The following ROS1 variants were observed in gnomAD, a reference collection of about 807,000 sequenced individuals.
ROS1 encodes ROS proto-oncogene 1, receptor tyrosine kinase, also known as proto-oncogene tyrosine-protein kinase ROS.
In ROS1, 263 loss-of-function variants were observed where a neutral mutation model predicts 273.5. That is an observed-to-expected ratio of 0.96 (90% CI 0.87 to 1.06). ROS1 has a LOEUF of 1.06. Among genes scored for constraint, ROS1 ranks in the 50% least tolerant of loss-of-function variants. The probability of loss-of-function intolerance (pLI) is 0.00; values close to 1 mark genes in which losing one functional copy is unlikely to be tolerated. For missense variants in ROS1, 2,833 were observed against 2,751.1 expected, an observed-to-expected ratio of 1.03 and a Z score of -0.67; for synonymous variants, 1,008 against 954.1, an observed-to-expected ratio of 1.06 and a Z score of -1.04.
At chr6:117,423,439 G>T (rs1032202993) in intron 1 of ROS1, among the ~76,000 whole-genome samples, 1 of 152,152 alleles carries the variant, frequency 6.6e-6, no homozygotes. Flanking sequence ...TGATTCAACC[G>T]TGAATTCTTT....
At chr6:117,294,018 C>T (rs1421765013) in intron 43 of ROS1, among the ~76,000 whole-genome samples, 1 of 152,010 alleles carries the variant, frequency 6.6e-6, no homozygotes, top group African/African-American at 2.4e-5. Context: ...ATGTTGAAGA[C>T]ACATGATACA....
chr6:117,425,285 C>T (rs1193113850), intron 1 of ROS1, among the ~76,000 whole-genome samples: 7 of 152,122 alleles, frequency 4.6e-5, no homozygotes, highest in Admixed American at 4.6e-4. Context: ...ATTTAAACCT[C>T]CTTTACCCAG....
chr6:117,326,645 A>C (rs971614619), intron 33 of ROS1, among the ~76,000 whole-genome samples: 1 of 152,106 alleles, frequency 6.6e-6, no homozygotes, highest in African/African-American at 2.4e-5. Flanking sequence ...AACTGTGAGT[A>C]ATCAGTGGTG....
At position 117,328,014 on chromosome 6, in the gene ROS1, C is replaced by T. The variant is rs1293662493; in HGVS notation, c.5348+1315G>A. 2.6e-5 allele frequency among the ~76,000 whole-genome samples: 4 copies of T among 152,330 alleles called. No homozygotes were observed. The South Asian group carries it at 8.3e-4, about 32-fold the overall frequency. The stretch of plus-strand genomic sequence containing the variant: ...GTCCCGCTGATACGTTGGTTTCAGA[C>T]TTCTAACCTCTAGAGCTGTAAGAAT... On this transcript the variant is annotated intron_variant, in intron 33 of 43. Transcript: ENST00000368507.
At chr6:117,380,688 CA>C (rs1772056357) in intron 17 of ROS1, among the ~76,000 whole-genome samples, 1 of 152,024 alleles carries the variant, frequency 6.6e-6, no homozygotes, top group African/African-American at 2.4e-5. Flanking sequence ...GTCATCATCC[CA>C]TTCCTCCACA....
At chr6:117,304,793 G>C (rs936598751) in intron 42 of ROS1, among the ~76,000 whole-genome samples, 1 of 152,192 alleles carries the variant, frequency 6.6e-6, no homozygotes, top group Non-Finnish European at 1.5e-5. Context: ...CAGTGTTGGA[G>C]GAGGGGCCTG....
At chr6:117,384,860 T>C (rs576353251) in intron 16 of ROS1, among the ~76,000 whole-genome samples, 1 of 152,292 alleles carries the variant, frequency 6.6e-6, no homozygotes, top group South Asian at 2.1e-4. Flanking sequence ...TTCTTATTCC[T>C]TTAGCTGGCT....
intron 28 of ROS1, among the ~76,000 whole-genome samples, chr6:117,342,988 T>G (rs114545329): frequency 0.012 from 1,903 of 152,264 alleles, 31 homozygotes; most frequent in African/African-American, 0.044. Flanking sequence ...TATACTTTGC[T>G]ATCATCTGGG....
At chr6:117,422,259 C>T (rs937856568) in intron 1 of ROS1, among the ~76,000 whole-genome samples, 4 of 152,180 alleles carry the variant, frequency 2.6e-5, no homozygotes, top group Non-Finnish European at 5.9e-5. Context: ...GAACTGTCCG[C>T]CTCAGCCTCC....
chr6:117,416,854 A>G (rs184923982), intron 2 of ROS1, among the ~76,000 whole-genome samples: 292 of 152,200 alleles, frequency 1.9e-3, no homozygotes, highest in African/African-American at 6.9e-3. Flanking sequence ...CAGATTTGAT[A>G]TATTTCTTCT....
intron 32 of ROS1, among the ~76,000 whole-genome samples, chr6:117,331,226 G>A (rs537039192): frequency 1.3e-5 from 2 of 152,180 alleles, no homozygotes; most frequent in South Asian, 2.1e-4. Context: ...TCGACCAAGT[G>A]GAAGAGAAGA....
intron 1 of ROS1, among the ~76,000 whole-genome samples, chr6:117,420,190 C>A (rs921863607): frequency 4.0e-5 from 6 of 151,872 alleles, no homozygotes; most frequent in Non-Finnish European, 8.8e-5. Context: ...AGAACCTGTG[C>A]TCTTAACCGG....
chr6:117,331,530 C>T (rs1159119393), intron 32 of ROS1, among the ~76,000 whole-genome samples: 1 of 151,980 alleles, frequency 6.6e-6, no homozygotes, highest in Non-Finnish European at 1.5e-5. Flanking sequence ...AACCCCAAGA[C>T]ACATAATCAT....
chr6:117,388,321 T>A (rs1338497078), intron 13 of ROS1, among the ~76,000 whole-genome samples: 1 of 152,158 alleles, frequency 6.6e-6, no homozygotes, highest in Non-Finnish European at 1.5e-5. Flanking sequence ...TAATAAAAAA[T>A]GCTTAATGAT....
Position 117,408,540 on chromosome 6 carries a change from C to T in ROS1, c.316+1042G>A, listed in dbSNP as rs189637349. On this transcript the variant is annotated intron_variant, in intron 5 of 43. Transcript: ENST00000368507. ...TACCATCTCACACCAGTTAGAACGG[C>T]GTTCATTAAAAAGTCAGGACACAAC... Among the ~76,000 whole-genome samples the T allele has an allele frequency of 6.7e-3, 1,018 of 152,188 alleles. 12 individuals carry two copies. Among genetic ancestry groups the T allele is most frequent in the African/African-American group, 0.022 (905 of 41,510 alleles).
chr6:117,394,811 T>C (rs1416156476), intron 9 of ROS1, 73 bp from the exon 10 acceptor site: 15 of 1,356,726 alleles, frequency 1.1e-5, no homozygotes, highest in Middle Eastern at 3.8e-4. Flanking sequence ...AAAAGATCAG[T>C]ACTACCCTTC....
At chr6:117,296,445 A>G (rs1204591270) in intron 43 of ROS1, among the ~76,000 whole-genome samples, 1 of 152,162 alleles carries the variant, frequency 6.6e-6, no homozygotes, top group African/African-American at 2.4e-5. Flanking sequence ...GTATATGCAT[A>G]TAGTACAGTG....
At chr6:117,357,140 A>G (rs1234131275) in intron 25 of ROS1, among the ~76,000 whole-genome samples, 2 of 152,232 alleles carry the variant, frequency 1.3e-5, no homozygotes, top group East Asian at 3.8e-4. Context: ...GTTTACAACT[A>G]AAGTCTTGGA....
Position 117,365,306 on chromosome 6 carries a change from C to A in ROS1, c.2959-102G>T. 3 of 1,279,930 alleles carry A rather than the reference C, an allele frequency of 2.3e-6. No homozygotes were observed. In the South Asian group the frequency reaches 4.6e-5, roughly 20 times the overall value. The allele number at this position is 1,279,930 out of a possible 1,614,324, so 79.3% of individuals were successfully genotyped here. On this transcript the variant is annotated intron_variant, in intron 20 of 43. Transcript: ENST00000368507. ...CCAAACTTTAGTTCACATGTAAAATCAAAATTTGCAATTTTGGAAGTGCTA... is the reference window on the plus strand; with the variant it reads ...CCAAACTTTAGTTCACATGTAAAATAAAAATTTGCAATTTTGGAAGTGCTA...
Sources: gnomAD v4.1 joint callset for allele counts (sites outside exome capture counted in the v4.1 genomes callset) on GRCh38, gnomAD v4.1.1 for gene constraint, MANE v1.5 for transcripts, NCBI Gene and HGNC (gene_info 2026-07-23, HGNC 2026-07-21) for gene names.